ARHGEF4: variants seen among roughly 807,000 people sequenced by gnomAD.
ARHGEF4 encodes the protein APC-stimulated guanine nucleotide exchange factor 1.
Under a neutral mutation model 162.0 loss-of-function variants are expected in ARHGEF4, and 119 were observed. The observed-to-expected ratio is 0.73, with a 90% CI of 0.63 to 0.86. The LOEUF (loss-of-function observed/expected upper bound fraction) is 0.86. Ranked by LOEUF, ARHGEF4 falls within the 40% of genes least tolerant of loss-of-function variation. The pLI, the probability that ARHGEF4 is intolerant of heterozygous loss-of-function variation, is 0.00. For synonymous variants in ARHGEF4, 1,014 were observed against 979.9 expected, an observed-to-expected ratio of 1.03 and a Z score of -0.65; for missense variants, 2,488 against 2,456.0, an observed-to-expected ratio of 1.01 and a Z score of -0.28.
In ARHGEF4 at chr2:130,915,956, T is replaced by G. The variant is rs77870913; in HGVS notation, c.2010T>G (p.Thr670=). The change falls in exon 2 of 14, where the codon ACT becomes ACG. Residue 670 remains threonine (T), a synonymous_variant. Transcript: ENST00000409359. Reference sequence around the variant, plus strand: ...AAAGACCAGAATCTCCCTTGAGCACTGGCGAGACCCCCTGTGAGTCTCCCA... The same window carrying G: ...AAAGACCAGAATCTCCCTTGAGCACGGGCGAGACCCCCTGTGAGTCTCCCA... ...PKERPESPLS[T]GETPCESPTR... is the part of the protein sequence containing the mutation. The G allele has an allele frequency of 1.3e-6, 2 of 1,550,574 alleles. No individual in the cohort carries two copies. The highest frequency in any genetic ancestry group is 1.2e-5 in the South Asian group (1 of 84,062).
chr2:130,855,478 G>A (rs1259541587), intron 1 of ARHGEF4, among the ~76,000 whole-genome samples: 2 of 152,114 alleles, frequency 1.3e-5, no homozygotes, highest in East Asian at 1.9e-4. Flanking sequence ...AAGCTTCCAG[G>A]TGTCCCCTCC....
chr2:130,916,318 G>C lies in ARHGEF4; in HGVS notation c.2372G>C (p.Arg791Pro). 1 of 1,542,816 alleles carries C rather than the reference G, an allele frequency of 6.5e-7. No individual in the cohort carries two copies. Among genetic ancestry groups the C allele is most frequent in the Admixed American group, 2.0e-5 (1 of 50,690 alleles). The change falls in exon 2 of 14, where the codon CGC becomes CCC. Residue 791 changes from arginine to proline, a missense_variant. By Grantham distance (103) the Arg-to-Pro change is moderately radical. Around this residue, in one of 6 missense-constraint regions of ARHGEF4, gnomAD observed 1,642 missense variants for 1,481.5 expected, o/e 1.11. Transcript: ENST00000409359. ...AAGGGCGCGCAGGAGCCTGGGAAGCGCCCGACGTTTTCCAAGGTGACCTCC... is the reference window on the plus strand; with the variant it reads ...AAGGGCGCGCAGGAGCCTGGGAAGCCCCCGACGTTTTCCAAGGTGACCTCC... The part of the protein sequence containing the change: ...LRKGAQEPGK[R>P]PTFSKVTSFR...
intron 4 of ARHGEF4, among the ~76,000 whole-genome samples, chr2:131,010,996 T>C (rs1688413767): frequency 6.6e-6 from 1 of 152,188 alleles, no homozygotes; most frequent in African/African-American, 2.4e-5. Context: ...AGCAGAGGTG[T>C]GTGTGTTGGA....
chr2:131,042,898 G>C (rs1409598771), intron 10 of ARHGEF4, among the ~76,000 whole-genome samples: 2 of 152,224 alleles, frequency 1.3e-5, no homozygotes, highest in African/African-American at 4.8e-5. Flanking sequence ...GCTGGGAAGA[G>C]GGCCTCCTTA....
At chr2:130,864,872 T>A (rs150325308) in intron 1 of ARHGEF4, among the ~76,000 whole-genome samples, 1 of 152,370 alleles carries the variant, frequency 6.6e-6, no homozygotes, top group East Asian at 1.9e-4. Flanking sequence ...ATGTGAATTA[T>A]AGCTCAACAA....
At chr2:130,846,819 T>C (rs1434004235) in intron 1 of ARHGEF4, among the ~76,000 whole-genome samples, 2 of 152,154 alleles carry the variant, frequency 1.3e-5, no homozygotes, top group African/African-American at 4.8e-5. Context: ...TGCTCAGACA[T>C]GAGTCCGGAG....
chr2:131,041,510 CCA>C, intron 9 of ARHGEF4, 48 bp downstream of exon 9: 1 of 1,550,192 alleles, frequency 6.5e-7, no homozygotes, highest in Non-Finnish European at 8.8e-7. Context: ...CTGCATGCCT[CCA>C]GTCAGCCAGT....
intron 4 of ARHGEF4, among the ~76,000 whole-genome samples, chr2:131,017,742 G>A (rs1181657937): frequency 6.6e-6 from 1 of 152,198 alleles, no homozygotes; most frequent in Non-Finnish European, 1.5e-5. Context: ...ATCAAATTAT[G>A]TGATGTCTGG....
At chr2:130,971,840 G>C (rs1340444590) in intron 4 of ARHGEF4, among the ~76,000 whole-genome samples, 1 of 152,154 alleles carries the variant, frequency 6.6e-6, no homozygotes, top group African/African-American at 2.4e-5. Flanking sequence ...CTCTCCACCA[G>C]ACCTCACTGC....
chr2:130,860,573 G>C lies in ARHGEF4; in HGVS notation c.39+23581G>C. On this transcript the variant is annotated intron_variant, in intron 1 of 13. Transcript: ENST00000409359. ...AATACAAAAAAAATTAGCTGGGCATGGTGGCGGGCGCCTGTAGTCCCAGCT... is the reference window on the plus strand; with the variant it reads ...AATACAAAAAAAATTAGCTGGGCATCGTGGCGGGCGCCTGTAGTCCCAGCT... 1.8e-5 allele frequency among the ~76,000 whole-genome samples: 2 copies of C among 111,900 alleles called. 1 individual carries two copies. 73.4% of individuals were successfully genotyped at this position (111,900 alleles called of 152,430 possible). A position where few individuals can be genotyped will look rare whatever the true frequency, so the allele number is the denominator to read the frequency against.
intron 4 of ARHGEF4, 100 bp downstream of exon 4, chr2:130,946,735 A>G (rs1217992968): frequency 2.6e-6 from 4 of 1,530,202 alleles, no homozygotes; most frequent in Non-Finnish European, 3.6e-6. Context: ...GCCTGGTAGA[A>G]GTAGCTTGAA....
At chr2:130,964,426 T>C (rs1232928443) in intron 4 of ARHGEF4, among the ~76,000 whole-genome samples, 1 of 152,202 alleles carries the variant, frequency 6.6e-6, no homozygotes, top group African/African-American at 2.4e-5. Flanking sequence ...CTTTTTCTGG[T>C]TTCCTTCTGA....
intron 1 of ARHGEF4, among the ~76,000 whole-genome samples, chr2:130,874,089 T>A (rs1678668878): frequency 7.0e-6 from 1 of 142,802 alleles, no homozygotes; most frequent in African/African-American, 3.0e-5. Flanking sequence ...GAAGTAGCTT[T>A]TAACTCTCCT....
At chr2:130,881,059 G>T (rs1221901052) in intron 1 of ARHGEF4, among the ~76,000 whole-genome samples, 1 of 152,126 alleles carries the variant, frequency 6.6e-6, no homozygotes, top group African/African-American at 2.4e-5. Flanking sequence ...TTGAGACAGA[G>T]TCTTGCTCTG....
At chr2:130,997,043 A>G (rs1428441528) in intron 4 of ARHGEF4, among the ~76,000 whole-genome samples, 1 of 152,254 alleles carries the variant, frequency 6.6e-6, no homozygotes, top group East Asian at 1.9e-4. Context: ...CTGCATAAAA[A>G]TCGAGCAATC....
At chr2:130,950,688 C>CCA (rs1683903465) in intron 4 of ARHGEF4, among the ~76,000 whole-genome samples, 2 of 143,694 alleles carry the variant, frequency 1.4e-5, no homozygotes, top group Admixed American at 6.9e-5. Flanking sequence ...TAGCTATTAC[C>CCA]CCCCACCACC....
chr2:130,862,946 C>T (rs1364252828), intron 1 of ARHGEF4, among the ~76,000 whole-genome samples: 1 of 85,194 alleles, frequency 1.2e-5, no homozygotes, highest in Non-Finnish European at 1.9e-5. Context: ...CCTTACAGGC[C>T]GAGTGTGGTG....
intron 4 of ARHGEF4, among the ~76,000 whole-genome samples, chr2:130,948,920 C>A (rs1003888754): frequency 2.6e-5 from 4 of 152,122 alleles, no homozygotes; most frequent in Non-Finnish European, 4.4e-5. Context: ...GCTTTCTTTT[C>A]TTTTCTTAAT....
At chr2:131,003,204 C>A (rs1466481207) in intron 4 of ARHGEF4, among the ~76,000 whole-genome samples, 1 of 152,166 alleles carries the variant, frequency 6.6e-6, no homozygotes, top group African/African-American at 2.4e-5. Flanking sequence ...GAATGGAGGA[C>A]CATCCCGCAC....
Sources: allele counts gnomAD v4.1 joint callset (sites outside exome capture counted in the v4.1 genomes callset), GRCh38; gene constraint gnomAD v4.1.1; regional missense constraint gnomAD v4.1.1; transcripts MANE v1.5; gene names NCBI Gene and HGNC (gene_info 2026-07-23, HGNC 2026-07-21).